Variants in PRKG2 observed in about 807,000 individuals in gnomAD.
The protein encoded by PRKG2 is protein kinase cGMP-dependent 2.
A neutral mutation model predicts 97.2 loss-of-function variants in PRKG2; 33 were observed. The ratio of observed to expected loss-of-function variants is 0.34; its 90% CI spans 0.26 to 0.45. The LOEUF is 0.45. PRKG2 is among the 20% of genes least tolerant of loss of function. The pLI, the probability that PRKG2 is intolerant of heterozygous loss-of-function variation, is 1.00. For missense variants in PRKG2, 638 were observed against 900.0 expected, an observed-to-expected ratio of 0.71 and a Z score of 3.73; for synonymous variants, 330 against 321.8, an observed-to-expected ratio of 1.03 and a Z score of -0.27.
intron 16 of PRKG2, 55 bp downstream of exon 16, chr4:81,105,758 A>G (rs940803311): frequency 1.3e-6 from 2 of 1,582,368 alleles, no homozygotes; most frequent in African/African-American, 2.7e-5. Context: ...TAGAAACAGA[A>G]ACCGAAGCCT....
chr4:81,097,439 CATT>C (rs1742237907), intron 17 of PRKG2, among the ~76,000 whole-genome samples: 1 of 152,156 alleles, frequency 6.6e-6, no homozygotes, highest in Admixed American at 6.6e-5. Context: ...GATTTAGCAT[CATT>C]CTTAAGGGCC....
At chr4:81,139,964 C>T (rs929558227) in intron 12 of PRKG2, among the ~76,000 whole-genome samples, 2 of 151,912 alleles carry the variant, frequency 1.3e-5, no homozygotes, top group Non-Finnish European at 1.5e-5. Flanking sequence ...TACTACTCAA[C>T]CATACAAAAA....
At chr4:81,094,968 G>A (rs985863713) in intron 17 of PRKG2, among the ~76,000 whole-genome samples, 1 of 152,094 alleles carries the variant, frequency 6.6e-6, no homozygotes, top group Non-Finnish European at 1.5e-5. Context: ...AGACCACAGG[G>A]GCCAGAATGG....
At chr4:81,119,037 T>A (rs113191095) in intron 14 of PRKG2, among the ~76,000 whole-genome samples, 3,972 of 152,288 alleles carry the variant, frequency 0.026, 171 homozygotes, top group African/African-American at 0.091. Context: ...GCTCAAGTGA[T>A]CCACCTAACT....
At chr4:81,177,016 C>A (rs1208190380) in intron 2 of PRKG2, among the ~76,000 whole-genome samples, 3 of 151,998 alleles carry the variant, frequency 2.0e-5, no homozygotes, top group African/African-American at 7.3e-5. Context: ...CCTTATCATC[C>A]CCTATATCTT....
chr4:81,169,781 C>G lies in PRKG2; in HGVS notation c.743-13G>C. The stretch of plus-strand genomic sequence containing the variant: ...ACATTGGTAATAGCTTTAGAAAATT[C>G]AAGAAAACAATAAAACACTTAGTAC... On this transcript the variant is annotated splice_polypyrimidine_tract_variant and intron_variant, in intron 4 of 18. Coordinates refer to ENST00000264399, the MANE Select transcript of PRKG2 (RefSeq NM_006259.3). 9 of 1,532,884 alleles carry G rather than the reference C, an allele frequency of 5.9e-6. No individual in the cohort carries two copies. The highest frequency in any genetic ancestry group is 8.0e-6 in the Non-Finnish European group (9 of 1,119,040). 95.0% of individuals were successfully genotyped at this position (1,532,884 alleles called of 1,614,324 possible).
intron 7 of PRKG2, among the ~76,000 whole-genome samples, chr4:81,152,768 A>C (rs1234100125): frequency 2.0e-5 from 3 of 152,196 alleles, no homozygotes; most frequent in Non-Finnish European, 4.4e-5. Context: ...ATCACCAAGA[A>C]TTATTTCAAA....
chr4:81,204,478 T>C, intron 2 of PRKG2, 109 bp downstream of exon 2: 1 of 1,256,778 alleles, frequency 8.0e-7, no homozygotes, highest in South Asian at 1.5e-5. Flanking sequence ...TACCCCAAAA[T>C]CTGAAAGGGT....
rs1343179456 is a variant in PRKG2 at position 81,144,606 on chromosome 4, A to ATTT, written c.1155-277_1155-276insAAA. Among the ~76,000 whole-genome samples the ATTT allele has an allele frequency of 1.2e-4, 16 of 132,180 alleles. No individual in the cohort carries two copies. The South Asian group carries it at 1.6e-3, about 13-fold the overall frequency. The allele number at this position is 132,180 out of a possible 152,430, so 86.7% of individuals were successfully genotyped here. A position where few individuals can be genotyped will look rare whatever the true frequency, so the allele number is the denominator to read the frequency against. Reference sequence around the variant, plus strand: ...CTTGTATTTAAGGTTATATATATATATATATTTTTTTTTTATTATACTTTA... The same window carrying ATTT: ...CTTGTATTTAAGGTTATATATATATATTTTATATTTTTTTTTTATTATACTTTA... On this transcript the variant is annotated intron_variant, in intron 9 of 18. Transcript: ENST00000264399.
intron 3 of PRKG2, among the ~76,000 whole-genome samples, chr4:81,173,380 C>T (rs1298945270): frequency 6.6e-6 from 1 of 152,108 alleles, no homozygotes; most frequent in Non-Finnish European, 1.5e-5. Context: ...ATCAGAACTA[C>T]TTGGGAAGGA....
chr4:81,175,617 G>A (rs921907817), intron 2 of PRKG2: 2 of 152,094 alleles, frequency 1.3e-5, no homozygotes, highest in African/African-American at 4.8e-5. Flanking sequence ...CATAGATGGT[G>A]ACAGTGATAG....
At chr4:81,123,554 G>A (rs1423684607) in intron 14 of PRKG2, among the ~76,000 whole-genome samples, 1 of 152,098 alleles carries the variant, frequency 6.6e-6, no homozygotes, top group African/African-American at 2.4e-5. Context: ...ACAGGTGCCT[G>A]CCACCATGCC....
intron 6 of PRKG2, among the ~76,000 whole-genome samples, chr4:81,155,783 T>A (rs1749024693): frequency 6.6e-6 from 1 of 151,758 alleles, no homozygotes; most frequent in Non-Finnish European, 1.5e-5. Context: ...TTCAACATTC[T>A]TAAAGAAAAG....
chr4:81,198,861 A>G (rs984407281), intron 2 of PRKG2, among the ~76,000 whole-genome samples: 4 of 152,156 alleles, frequency 2.6e-5, no homozygotes, highest in Admixed American at 6.6e-5. Flanking sequence ...CTACATGCAC[A>G]TTGTCTATCA....
At chr4:81,147,095 C>T (rs1747925964) in intron 9 of PRKG2, among the ~76,000 whole-genome samples, 1 of 152,092 alleles carries the variant, frequency 6.6e-6, no homozygotes, top group East Asian at 1.9e-4. Context: ...CTAAATTATA[C>T]ACACATGAAC....
chr4:81,211,949 C>CT (rs1374468896), intron 1 of PRKG2, among the ~76,000 whole-genome samples: 1 of 151,934 alleles, frequency 6.6e-6, no homozygotes, highest in African/African-American at 2.4e-5. Context: ...GGATAGGAAA[C>CT]TGATACATTT....
intron 15 of PRKG2, among the ~76,000 whole-genome samples, chr4:81,108,158 C>T (rs1033803836): frequency 3.6e-4 from 55 of 152,028 alleles, no homozygotes; most frequent in Non-Finnish European, 1.9e-4. Context: ...TGAGCTGAGA[C>T]TGCCTCACTG....
At chr4:81,183,085 A>AAC (rs78987207) in intron 2 of PRKG2, among the ~76,000 whole-genome samples, 33,522 of 151,982 alleles carry the variant, frequency 0.22, 6,928 homozygotes, top group African/African-American at 0.53. Flanking sequence ...ATTGAAGAAT[A>AAC]AAAATTACAA....
chr4:81,115,676 T>C (rs1744442521), intron 14 of PRKG2, among the ~76,000 whole-genome samples: 1 of 152,214 alleles, frequency 6.6e-6, no homozygotes, highest in African/African-American at 2.4e-5. Flanking sequence ...TCAGGTCTGA[T>C]AGTGGTAAAC....
Sources: allele counts gnomAD v4.1 joint callset (sites outside exome capture counted in the v4.1 genomes callset), GRCh38; gene constraint gnomAD v4.1.1; transcripts MANE v1.5; gene names NCBI Gene and HGNC (gene_info 2026-07-23, HGNC 2026-07-21).